Variants in FTCDNL1 observed in about 807,000 individuals in gnomAD.
The protein encoded by FTCDNL1 is formiminotransferase N-terminal subdomain-containing protein.
In FTCDNL1, 11 loss-of-function variants were observed where a neutral mutation model predicts 5.9. The ratio of observed to expected loss-of-function variants is 1.87; its 90% confidence interval spans 1.18 to 3.10. The LOEUF (loss-of-function observed/expected upper bound fraction) is 3.10, where lower values mean the gene tolerates loss of function less well. Ranked by LOEUF, FTCDNL1 falls within the 30% of genes most tolerant of loss-of-function variation. The pLI is 0.00. For synonymous variants in FTCDNL1, 58 were observed against 24.8 expected (o/e 2.34, Z -3.99); for missense variants, 115 against 65.5 (o/e 1.76, Z -2.61).
At chr2:199,794,176 C>A (rs943218934) in intron 3 of FTCDNL1, among the ~76,000 whole-genome samples, 40 of 152,252 alleles carry the variant, frequency 2.6e-4, no homozygotes, top group African/African-American at 9.1e-4. Context: ...TGAGTACACA[C>A]TGGTGGAAAA....
chr2:199,709,566 G>A, the FTCDNL1 span, among the ~76,000 whole-genome samples: 1 of 152,160 alleles, frequency 6.6e-6, no homozygotes, highest in Non-Finnish European at 1.5e-5. Flanking sequence ...AAAACTAGGA[G>A]AGCATATTGT....
the FTCDNL1 span, among the ~76,000 whole-genome samples, chr2:199,695,494 A>C: frequency 1.3e-5 from 2 of 152,176 alleles, no homozygotes; most frequent in Non-Finnish European, 2.9e-5. Flanking sequence ...TAATAATAAA[A>C]ATAGGGGAGA....
At position 199,811,256 on chromosome 2, in the gene FTCDNL1, A is replaced by G. The variant is rs1701020209; in HGVS notation, c.*1449T>C. Among the ~76,000 whole-genome samples the G allele has an allele frequency of 6.6e-6, 1 of 152,246 alleles. No homozygotes were observed. On this transcript the variant is annotated 3_prime_UTR_variant, in exon 5 of 5. Coordinates refer to ENST00000420128, the MANE Select transcript of FTCDNL1 (RefSeq NM_001363886.2). Reference sequence around the variant, plus strand: ...CAGTTTTAACATTGCACAGAGTATAATTGGAATTTTTGTCAATCTTAATGT... The same window carrying G: ...CAGTTTTAACATTGCACAGAGTATAGTTGGAATTTTTGTCAATCTTAATGT...
At chr2:199,740,598 A>T in the FTCDNL1 span, among the ~76,000 whole-genome samples, 1 of 152,174 alleles carries the variant, frequency 6.6e-6, no homozygotes, top group African/African-American at 2.4e-5. Context: ...GATCAAGGTG[A>T]TCTCCAAGAG....
the FTCDNL1 span, among the ~76,000 whole-genome samples, chr2:199,678,380 T>G: frequency 1.3e-5 from 2 of 152,126 alleles, no homozygotes; most frequent in East Asian, 3.8e-4. Context: ...GCCATAACCA[T>G]GGCACAGAAG....
chr2:199,666,645 G>C, the FTCDNL1 span, among the ~76,000 whole-genome samples: 1 of 152,148 alleles, frequency 6.6e-6, no homozygotes, highest in Non-Finnish European at 1.5e-5. Flanking sequence ...GGTCCAGGGT[G>C]GTGGCTCACA....
chr2:199,724,509 T>C, the FTCDNL1 span, among the ~76,000 whole-genome samples: 1 of 152,190 alleles, frequency 6.6e-6, no homozygotes, highest in African/African-American at 2.4e-5. Context: ...AGTTTTTTGA[T>C]GTGGTCATTT....
At chr2:199,763,521 C>T (rs1698368346) in intron 3 of FTCDNL1, among the ~76,000 whole-genome samples, 1 of 152,190 alleles carries the variant, frequency 6.6e-6, no homozygotes, top group Non-Finnish European at 1.5e-5. Context: ...TCCCAGCTCC[C>T]TACTCACCTT....
At chr2:199,720,666 C>T in the FTCDNL1 span, among the ~76,000 whole-genome samples, 1 of 152,176 alleles carries the variant, frequency 6.6e-6, no homozygotes. Flanking sequence ...TATAAGGACA[C>T]TTGCCGTTGG....
rs56091291 is a variant in FTCDNL1 at position 199,776,916 on chromosome 2, G to GTATATA, written c.212-16087_212-16082dup. On this transcript the variant is annotated intron_variant, in intron 3 of 3. Transcript: ENST00000416668. ...ATATACATGTGTAATATATGTGTAT[G>GTATATA]TATATATATATACACACACACACAC... Among the ~76,000 whole-genome samples, 140 of 143,520 alleles carry GTATATA rather than the reference G, an allele frequency of 9.8e-4. 1 individual carries two copies. The highest frequency in any genetic ancestry group is 9.7e-3 in the South Asian group (44 of 4,552). The allele number at this position is 143,520 out of a possible 152,430, so 94.2% of individuals were successfully genotyped here.
chr2:199,664,904 A>T, the FTCDNL1 span, among the ~76,000 whole-genome samples: 1 of 152,220 alleles, frequency 6.6e-6, no homozygotes, highest in Non-Finnish European at 1.5e-5. Context: ...CTGGACAACC[A>T]GTAGGCTAGG....
At chr2:199,717,333 G>T in the FTCDNL1 span, among the ~76,000 whole-genome samples, 3 of 151,966 alleles carry the variant, frequency 2.0e-5, no homozygotes, top group Non-Finnish European at 4.4e-5. Flanking sequence ...TGTTTACTTT[G>T]TACATTGGTT....
chr2:199,846,070 C>G lies in FTCDNL1; in HGVS notation c.211+5G>C. The G allele has an allele frequency of 1.5e-6, 1 of 686,526 alleles. No homozygotes were observed. Among genetic ancestry groups the G allele is most frequent in the Non-Finnish European group, 2.6e-6 (1 of 379,748 alleles). 42.5% of individuals were successfully genotyped at this position (686,526 alleles called of 1,614,324 possible). On this transcript the variant is annotated splice_donor_5th_base_variant and intron_variant, in intron 3 of 4. Coordinates refer to ENST00000420128, the MANE Select transcript of FTCDNL1 (RefSeq NM_001363886.2). ...TATATGTAAAGAAAGAAACTGAAAT[C>G]TTACCCAACTTATCAACAGAAGTTG...
At chr2:199,692,719 G>A in the FTCDNL1 span, among the ~76,000 whole-genome samples, 1 of 152,148 alleles carries the variant, frequency 6.6e-6, no homozygotes, top group Non-Finnish European at 1.5e-5. Context: ...GAAACTTGGA[G>A]CTCTTTAACT....
chr2:199,797,416 C>A (rs1700225140), intron 3 of FTCDNL1, among the ~76,000 whole-genome samples: 1 of 152,174 alleles, frequency 6.6e-6, no homozygotes, highest in South Asian at 2.1e-4. Context: ...AACAAAGTCA[C>A]ACACCCAAAA....
At chr2:199,688,222 C>A in the FTCDNL1 span, among the ~76,000 whole-genome samples, 2 of 105,224 alleles carry the variant, frequency 1.9e-5, no homozygotes, top group Non-Finnish European at 4.2e-5. Flanking sequence ...CAGAGCAAGA[C>A]TCTGTCTCAA....
chr2:199,691,592 A>T, the FTCDNL1 span, among the ~76,000 whole-genome samples: 1 of 152,240 alleles, frequency 6.6e-6, no homozygotes, highest in African/African-American at 2.4e-5. Flanking sequence ...AAAACTGGAA[A>T]TAAAAATTGC....
the FTCDNL1 span, among the ~76,000 whole-genome samples, chr2:199,749,095 T>C: frequency 6.6e-6 from 1 of 152,152 alleles, no homozygotes; most frequent in African/African-American, 2.4e-5. Context: ...GCTCTTTCTT[T>C]CCTGGCTAAC....
At chr2:199,842,496 A>G (rs531279841) in intron 3 of FTCDNL1, among the ~76,000 whole-genome samples, 2 of 152,244 alleles carry the variant, frequency 1.3e-5, no homozygotes, top group Admixed American at 6.5e-5. Context: ...ATGCAAAATT[A>G]TGTGTGAGTG....
Sources: gnomAD v4.1 joint callset for allele counts (sites outside exome capture counted in the v4.1 genomes callset) on GRCh38, gnomAD v4.1.1 for gene constraint, MANE v1.5 for transcripts, NCBI Gene and HGNC (gene_info 2026-07-23, HGNC 2026-07-21) for gene names.